Variants in TRPM3 observed in about 807,000 individuals in gnomAD.
The protein encoded by TRPM3 is long transient receptor potential channel 3.
In TRPM3, 77 loss-of-function variants were observed where a neutral mutation model predicts 181.2. The ratio of observed to expected loss-of-function variants is 0.42; its 90% CI spans 0.35 to 0.51. The LOEUF is 0.51. Among genes scored for constraint, TRPM3 ranks in the 20% least tolerant of loss-of-function variants. TRPM3 has a pLI of 0.01. For synonymous variants in TRPM3, 745 were observed against 796.4 expected, an observed-to-expected ratio of 0.94 and a Z score of 1.09; for missense variants, 1,759 against 2,196.7, an observed-to-expected ratio of 0.80 and a Z score of 3.98.
intron 3 of TRPM3, among the ~76,000 whole-genome samples, chr9:70,849,133 T>A (rs148693535): frequency 4.7e-4 from 71 of 152,260 alleles, no homozygotes; most frequent in African/African-American, 1.6e-3. Context: ...AAGGAAGTTG[T>A]TTTTGTTATT....
intron 1 of TRPM3, among the ~76,000 whole-genome samples, chr9:71,003,087 T>C (rs1006796010): frequency 2.0e-5 from 3 of 152,098 alleles, no homozygotes; most frequent in Admixed American, 6.6e-5. Flanking sequence ...TACATTGACA[T>C]TTTAAAAGGG....
At chr9:71,356,927 T>G (rs1335918596) in intron 1 of TRPM3, among the ~76,000 whole-genome samples, 1 of 152,016 alleles carries the variant, frequency 6.6e-6, no homozygotes, top group Non-Finnish European at 1.5e-5. Context: ...AGGACAGAAA[T>G]GTAGAGTGAG....
At chr9:71,323,639 C>T (rs183014947) in intron 1 of TRPM3, among the ~76,000 whole-genome samples, 2 of 152,130 alleles carry the variant, frequency 1.3e-5, no homozygotes, top group African/African-American at 2.4e-5. Context: ...AGGCTATTGG[C>T]GGATGTCGGC....
At chr9:70,669,017 C>G (rs2062406508) in intron 9 of TRPM3, among the ~76,000 whole-genome samples, 1 of 152,204 alleles carries the variant, frequency 6.6e-6, no homozygotes, top group Non-Finnish European at 1.5e-5. Context: ...AATTAGCTTA[C>G]TGTGCAGATC....
Position 71,273,793 on chromosome 9 carries a change from T to C in TRPM3, c.183+172860A>G, listed in dbSNP as rs139738421. On this transcript the variant is annotated intron_variant, in intron 1 of 24. Transcript: ENST00000357533. ...AAAGTCCAGGTTACTCTGCCCTAGATGCATGTCTGCTGGGCATTATGAAAT... is the reference window on the plus strand; with the variant it reads ...AAAGTCCAGGTTACTCTGCCCTAGACGCATGTCTGCTGGGCATTATGAAAT... Among the ~76,000 whole-genome samples the C allele has an allele frequency of 2.0e-5, 3 of 152,314 alleles. No individual in the cohort carries two copies. The East Asian group carries it at 5.8e-4, about 29-fold the overall frequency.
At chr9:71,069,977 A>C (rs2062518027) in intron 1 of TRPM3, among the ~76,000 whole-genome samples, 1 of 152,184 alleles carries the variant, frequency 6.6e-6, no homozygotes, top group Non-Finnish European at 1.5e-5. Context: ...AGCAAGAAAA[A>C]GTAGGTTTAA....
Position 70,631,144 on chromosome 9 carries a change from T to C in TRPM3, c.1632+4067A>G, listed in dbSNP as rs374050002. ...GGACAGCTTGTATAATAAAGAAAAG[T>C]GGACTGCAGTTGGTGTGAGTAATCA... On this transcript the variant is annotated intron_variant, in intron 12 of 25. Coordinates refer to ENST00000677713, the MANE Select transcript of TRPM3 (RefSeq NM_001366145.2). 1.4e-3 allele frequency among the ~76,000 whole-genome samples: 212 copies of C among 152,314 alleles called. 3 individuals are homozygous for C. In the South Asian group the frequency reaches 0.021, roughly 15 times the overall value.
At chr9:71,330,849 C>A in intron 1 of TRPM3, among the ~76,000 whole-genome samples, 1 of 151,762 alleles carries the variant, frequency 6.6e-6, no homozygotes, top group East Asian at 1.9e-4. Context: ...AAGGGAACCA[C>A]AGTCTTTCCT....
chr9:70,994,680 A>T (rs1003528112), intron 1 of TRPM3, among the ~76,000 whole-genome samples: 1 of 151,970 alleles, frequency 6.6e-6, no homozygotes, highest in East Asian at 1.9e-4. Context: ...GGGGAACCTC[A>T]CCAGCTTACT....
chr9:70,681,399 T>C, intron 9 of TRPM3, 107 bp downstream of exon 9: 3 of 901,574 alleles, frequency 3.3e-6, no homozygotes, highest in Non-Finnish European at 5.3e-6. Context: ...CAATAATTTA[T>C]TGTGTCATAG....
intron 1 of TRPM3, among the ~76,000 whole-genome samples, chr9:71,445,810 G>C (rs1221490151): frequency 6.6e-6 from 1 of 152,016 alleles, no homozygotes; most frequent in Non-Finnish European, 1.5e-5. Flanking sequence ...CACACAGGCT[G>C]GTATTCTTAA....
At chr9:71,073,859 C>G (rs947017401) in intron 1 of TRPM3, among the ~76,000 whole-genome samples, 4 of 152,056 alleles carry the variant, frequency 2.6e-5, no homozygotes, top group Admixed American at 2.0e-4. Context: ...TTATGATTAT[C>G]TTACTTTTAT....
chr9:70,781,878 C>A (rs1292685227), intron 7 of TRPM3, among the ~76,000 whole-genome samples: 2 of 151,930 alleles, frequency 1.3e-5, no homozygotes, highest in South Asian at 2.1e-4. Context: ...TCAAGGTAGA[C>A]AATCCAAGAT....
Position 70,536,335 on chromosome 9 carries a change from C to G in TRPM3, c.4778G>C (p.Cys1593Ser). Residue 1593 changes from cysteine (C) to serine (S), a missense_variant, in exon 26 of 26, where the codon TGC (cysteine) becomes TCC (serine). By Grantham distance (112) the Cys-to-Ser change is moderately radical (BLOSUM62 -1). This residue lies in a region of TRPM3 where 612 missense variants were observed against 590.0 expected (regional missense o/e 1.04). Transcript: ENST00000677713. ...TTCTGCTTCTCGCTCTGGATGGCAG[C>G]AAGTTAAGTCCTCCACTTTGTCTCC... The part of the protein sequence containing the change: ...GLGDKVEDLT[C>S]CHPEREAELS... 6.2e-7 allele frequency: 1 copy of G among 1,614,070 alleles called. No individual in the cohort carries two copies. The highest frequency in any genetic ancestry group is 8.5e-7 in the Non-Finnish European group (1 of 1,179,988).
intron 1 of TRPM3, among the ~76,000 whole-genome samples, chr9:71,317,427 C>T (rs1565455911): frequency 6.6e-6 from 1 of 151,982 alleles, no homozygotes; most frequent in Non-Finnish European, 1.5e-5. Context: ...ATTGCTTGCG[C>T]ATGGGAGTTC....
intron 1 of TRPM3, among the ~76,000 whole-genome samples, chr9:71,171,104 C>T (rs1410145409): frequency 6.6e-6 from 1 of 152,108 alleles, no homozygotes; most frequent in Non-Finnish European, 1.5e-5. Flanking sequence ...CCATAGCGCT[C>T]CCAGGCTTAT....
intron 1 of TRPM3, among the ~76,000 whole-genome samples, chr9:71,195,791 G>C (rs892782539): frequency 6.6e-6 from 1 of 152,008 alleles, no homozygotes; most frequent in Non-Finnish European, 1.5e-5. Context: ...AAAAGAATGA[G>C]ATCATGTCCT....
intron 1 of TRPM3, among the ~76,000 whole-genome samples, chr9:71,060,543 C>G (rs2061205727): frequency 6.6e-6 from 1 of 152,134 alleles, no homozygotes; most frequent in African/African-American, 2.4e-5. Flanking sequence ...TGCTCCCCTA[C>G]AGCTATTAAG....
chr9:71,214,092 A>C (rs1428852683), intron 1 of TRPM3, among the ~76,000 whole-genome samples: 1 of 152,174 alleles, frequency 6.6e-6, no homozygotes, highest in East Asian at 1.9e-4. Flanking sequence ...CTTATTTCTT[A>C]AAACATGCAG....
Sources: allele counts gnomAD v4.1 joint callset (sites outside exome capture counted in the v4.1 genomes callset), GRCh38; gene constraint gnomAD v4.1.1; regional missense constraint gnomAD v4.1.1; transcripts MANE v1.5; gene names NCBI Gene and HGNC (gene_info 2026-07-23, HGNC 2026-07-21).